XKR9: variants seen among roughly 807,000 people sequenced by gnomAD.
The protein encoded by XKR9 is XK related 9.
A neutral mutation model predicts 32.0 loss-of-function variants in XKR9; 32 were observed. The ratio of observed to expected loss-of-function variants is 1.00; its 90% CI spans 0.76 to 1.34. The LOEUF is 1.34. Among genes scored for constraint, XKR9 ranks in the 40% most tolerant of loss-of-function variants. The pLI, the probability that XKR9 is intolerant of heterozygous loss-of-function variation, is 0.00. For synonymous variants in XKR9, 168 were observed against 143.4 expected (o/e 1.17, Z -1.22); for missense variants, 546 against 429.7 (o/e 1.27, Z -2.39).
At chr8:70,750,301 G>C (rs755782428) in intron 2 of XKR9, among the ~76,000 whole-genome samples, 1 of 152,124 alleles carries the variant, frequency 6.6e-6, no homozygotes, top group Non-Finnish European at 1.5e-5. Flanking sequence ...GCAGAATACT[G>C]TTACTTTTTC....
At chr8:70,935,206 T>TACACACACACACACACACACAC in the XKR9 span, among the ~76,000 whole-genome samples, 2 of 82,594 alleles carry the variant, frequency 2.4e-5, no homozygotes, top group African/African-American at 6.8e-5. Context: ...CATATACATA[T>TACACACACACACACACACACAC]ATACACACAC....
At chr8:70,823,401 C>T in the XKR9 span, among the ~76,000 whole-genome samples, 3 of 152,200 alleles carry the variant, frequency 2.0e-5, no homozygotes, top group Non-Finnish European at 4.4e-5. Context: ...TACCCACTCA[C>T]AGAAGTAGAA....
chr8:70,785,349 T>C (rs1021307986), intron 2 of XKR9, among the ~76,000 whole-genome samples: 1 of 152,044 alleles, frequency 6.6e-6, no homozygotes, highest in African/African-American at 2.4e-5. Flanking sequence ...ATATCAGTTG[T>C]AATGTCTCCT....
At chr8:70,756,418 G>C (rs1006721551) in intron 2 of XKR9, among the ~76,000 whole-genome samples, 1 of 152,212 alleles carries the variant, frequency 6.6e-6, no homozygotes, top group Non-Finnish European at 1.5e-5. Flanking sequence ...CTAGGATTCT[G>C]ATAGGGCTTG....
intron 3 of XKR9, among the ~76,000 whole-genome samples, chr8:70,684,938 G>T (rs1258261878): frequency 1.4e-5 from 2 of 147,032 alleles, no homozygotes; most frequent in Non-Finnish European, 3.0e-5. Flanking sequence ...TCAGTGTGGC[G>T]ATTCCTCAGG....
the XKR9 span, among the ~76,000 whole-genome samples, chr8:70,954,209 T>G: frequency 1.3e-5 from 2 of 152,212 alleles, no homozygotes; most frequent in East Asian, 1.9e-4. Context: ...TGGATTATAT[T>G]TGGACAACCC....
chr8:70,711,089 A>G (rs1481274417), intron 4 of XKR9, among the ~76,000 whole-genome samples: 1 of 152,206 alleles, frequency 6.6e-6, no homozygotes, highest in African/African-American at 2.4e-5. Flanking sequence ...TTGCACATCA[A>G]TCAGAATGAC....
chr8:70,891,796 A>G, the XKR9 span, among the ~76,000 whole-genome samples: 2 of 152,066 alleles, frequency 1.3e-5, no homozygotes, highest in African/African-American at 4.8e-5. Context: ...TGCAGTTTAA[A>G]TCCAATGTTT....
At chr8:70,857,659 C>CA in the XKR9 span, among the ~76,000 whole-genome samples, 2 of 151,864 alleles carry the variant, frequency 1.3e-5, no homozygotes, top group African/African-American at 2.4e-5. Context: ...CGAGACACAA[C>CA]AAAAAAAGAG....
At chr8:70,860,849 T>A in the XKR9 span, among the ~76,000 whole-genome samples, 1 of 152,044 alleles carries the variant, frequency 6.6e-6, no homozygotes, top group Non-Finnish European at 1.5e-5. Context: ...GAGCTTCAGG[T>A]TTCTTCAACT....
the XKR9 span, among the ~76,000 whole-genome samples, chr8:71,064,463 CT>C: frequency 6.6e-6 from 1 of 152,022 alleles, no homozygotes. Context: ...AATAGTTTTG[CT>C]TTTTATATCT....
the XKR9 span, among the ~76,000 whole-genome samples, chr8:71,022,856 T>C: frequency 1.3e-5 from 2 of 152,200 alleles, no homozygotes; most frequent in Admixed American, 1.3e-4. Context: ...TCTGAAATTC[T>C]TTCTTCTTGA....
At chr8:71,030,660 T>C in the XKR9 span, among the ~76,000 whole-genome samples, 3 of 152,080 alleles carry the variant, frequency 2.0e-5, no homozygotes, top group Non-Finnish European at 4.4e-5. Flanking sequence ...CTGAGAAGAG[T>C]ATAGAGGCAA....
chr8:70,965,206 A>G, the XKR9 span, among the ~76,000 whole-genome samples: 2 of 152,284 alleles, frequency 1.3e-5, no homozygotes, highest in Non-Finnish European at 2.9e-5. Context: ...TGAGATAATC[A>G]TGATGTTTTT....
At chr8:70,879,827 G>A in the XKR9 span, among the ~76,000 whole-genome samples, 6 of 151,854 alleles carry the variant, frequency 4.0e-5, no homozygotes, top group African/African-American at 1.5e-4. Context: ...AGCAAAAAAA[G>A]AGAATTTTAG....
At chr8:70,887,807 C>T in the XKR9 span, among the ~76,000 whole-genome samples, 1 of 152,092 alleles carries the variant, frequency 6.6e-6, no homozygotes, top group African/African-American at 2.4e-5. Flanking sequence ...TATTTATCAG[C>T]TTAAGGAGCT....
At chr8:70,821,596 C>T in the XKR9 span, among the ~76,000 whole-genome samples, 11 of 152,220 alleles carry the variant, frequency 7.2e-5, no homozygotes, top group African/African-American at 2.7e-4. Context: ...CATTTCCATC[C>T]ATCCTCTGAA....
chr8:70,960,606 A>ACT, the XKR9 span, among the ~76,000 whole-genome samples: 1 of 152,138 alleles, frequency 6.6e-6, no homozygotes, highest in Admixed American at 6.5e-5. Flanking sequence ...GGCCAAGTGC[A>ACT]GTGGCTCACA....
the XKR9 span, among the ~76,000 whole-genome samples, chr8:70,974,057 G>T: frequency 7.2e-5 from 11 of 152,094 alleles, no homozygotes; most frequent in African/African-American, 2.7e-4. Flanking sequence ...GCTATCAGTG[G>T]AGTATTAAAG....
Sources: allele counts gnomAD v4.1 joint callset (sites outside exome capture counted in the v4.1 genomes callset), GRCh38; gene constraint gnomAD v4.1.1; transcripts MANE v1.5; gene names NCBI Gene and HGNC (gene_info 2026-07-23, HGNC 2026-07-21).